The following KCTD19 variants were observed in gnomAD, a reference collection of about 807,000 sequenced individuals.
KCTD19 encodes BTB/POZ domain-containing protein KCTD19.
Under a neutral mutation model 103.5 loss-of-function variants are expected in KCTD19, and 67 were observed. The ratio of observed to expected loss-of-function variants is 0.65; its 90% CI spans 0.53 to 0.79. The LOEUF (loss-of-function observed/expected upper bound fraction) is 0.79, where lower values mean the gene tolerates loss of function less well. Among genes scored for constraint, KCTD19 ranks in the 30% least tolerant of loss-of-function variants. KCTD19 has a pLI of 0.00. For synonymous variants in KCTD19, 439 were observed against 452.2 expected, an observed-to-expected ratio of 0.97 and a Z score of 0.37; for missense variants, 980 against 1,136.1, an observed-to-expected ratio of 0.86 and a Z score of 1.98.
chr16:67,291,328 G>A lies in KCTD19; in HGVS notation c.2546C>T (p.Ser849Phe). Reference protein sequence around the residue: ...DPKAITAKVVSLANRLWTLHI... With the variant: ...DPKAITAKVVFLANRLWTLHI... ...ACATACCCACAGCCGATTGGCCAGGGAGACCACCTTGGCTGTGATGGCTTT... is the reference window on the plus strand; with the variant it reads ...ACATACCCACAGCCGATTGGCCAGGAAGACCACCTTGGCTGTGATGGCTTT... Residue 849 changes from serine (S) to phenylalanine (F), a missense_variant, in exon 14 of 16, where the codon TCC becomes TTC. Transcript: ENST00000304372. 1 of 1,613,838 alleles carries A rather than the reference G, an allele frequency of 6.2e-7. No individual in the cohort carries two copies. The highest frequency in any genetic ancestry group is 8.5e-7 in the Non-Finnish European group (1 of 1,179,998).
At chr16:67,305,700 A>G (rs149429007) in intron 2 of KCTD19, 56 of 419,994 alleles carry the variant, frequency 1.3e-4, no homozygotes, top group African/African-American at 1.1e-3. Context: ...TATTTTCCCA[A>G]TAAATTTCCG....
rs2036736815 is a variant in KCTD19 at position 67,294,183 on chromosome 16, A to G, written c.1591-12T>C. 2 of 1,593,510 alleles carry G rather than the reference A, an allele frequency of 1.3e-6. No homozygotes were observed. The highest frequency in any genetic ancestry group is 1.3e-5 in the African/African-American group (1 of 74,514). On this transcript the variant is annotated splice_polypyrimidine_tract_variant and intron_variant, in intron 11 of 15. Transcript: ENST00000304372. ...ATGTAGGCTGTGGTCTGGGGAGGGAAGGGCACAGTAACTCTGGATAGGTTG... is the reference window on the plus strand; with the variant it reads ...ATGTAGGCTGTGGTCTGGGGAGGGAGGGGCACAGTAACTCTGGATAGGTTG...
At chr16:67,305,213 A>G (rs1356214435) in intron 2 of KCTD19, among the ~76,000 whole-genome samples, 1 of 152,174 alleles carries the variant, frequency 6.6e-6, no homozygotes, top group Non-Finnish European at 1.5e-5. Context: ...AGTGCTCAAA[A>G]TCACTTTCAA....
At position 67,320,536 on chromosome 16, in the gene KCTD19, G is replaced by A; in HGVS notation, c.300+53C>T. On this transcript the variant is annotated intron_variant, in intron 2 of 15. Transcript: ENST00000304372. The surrounding 1 kb of genome is among the most constrained non-coding windows in gnomAD (Gnocchi z 4.0). ...TATATAACAGGAAACAATATTTAGT[G>A]ATGTAAAGCCATGTTACTGATCCAC... 6.5e-7 allele frequency: 1 copy of A among 1,536,188 alleles called. No individual in the cohort carries two copies.
In KCTD19 at chr16:67,290,878, C is replaced by T. The variant is rs1287695503; in HGVS notation, c.2667+7G>A. 6.2e-6 allele frequency: 10 copies of T among 1,607,716 alleles called. 1 individual carries two copies. In the South Asian group the frequency reaches 6.7e-5, roughly 11 times the overall value. On this transcript the variant is annotated splice_region_variant and intron_variant, in intron 15 of 15. Coordinates refer to ENST00000304372, the MANE Select transcript of KCTD19 (RefSeq NM_001100915.3). Reference sequence around the variant, plus strand: ...GTGGATTCCCAGGGATTGCAAGTGGCCCTCACCTCCACCCAGCTGTACAGG... The same window carrying T: ...GTGGATTCCCAGGGATTGCAAGTGGTCCTCACCTCCACCCAGCTGTACAGG...
rs950984029 is a variant in KCTD19, at chr16:67,323,598, A to G, written c.4-2713T>C. ...TGGATGAAATTCGAAACATTATGCC[A>G]AGGGAAAGAAGCCAAACAAAAAATC... On this transcript the variant is annotated intron_variant, in intron 1 of 15. Transcript: ENST00000304372. The surrounding 1 kb of genome is among the most constrained non-coding windows in gnomAD (Gnocchi z 4.1). 1.2e-4 allele frequency among the ~76,000 whole-genome samples: 19 copies of G among 152,202 alleles called. No homozygotes were observed. Among genetic ancestry groups the G allele is most frequent in the African/African-American group, 4.6e-4 (19 of 41,452 alleles).
chr16:67,314,525 C>A (rs2142518874), intron 2 of KCTD19, among the ~76,000 whole-genome samples: 1 of 152,020 alleles, frequency 6.6e-6, no homozygotes, highest in Admixed American at 6.6e-5. Flanking sequence ...TTTGCCTGTT[C>A]TGCACATTTT....
chr16:67,300,645 G>A lies in KCTD19; in HGVS notation c.776-1072C>T, dbSNP rs1484113133. The A allele has an allele frequency of 6.6e-6, 1 of 152,506 alleles. No homozygotes were observed. Among genetic ancestry groups the A allele is most frequent in the African/African-American group, 2.4e-5 (1 of 41,464 alleles). 9.4% of individuals were successfully genotyped at this position (152,506 alleles called of 1,614,324 possible). A position where few individuals can be genotyped will look rare whatever the true frequency, so the allele number is the denominator to read the frequency against. On this transcript the variant is annotated intron_variant, in intron 5 of 15. Transcript: ENST00000304372. This position sits in a 1 kb window ranked among gnomAD's most constrained non-coding sequence, Gnocchi z 4.5. ...GCTGGAGCATGCCACTCCCCACAAA[G>A]AGGATGGGTTTCTTTTTTGAGAAGG...
In KCTD19 at chr16:67,301,892, A is replaced by G; in HGVS notation, c.674T>C (p.Leu225Pro). The change falls in exon 5 of 16, where the codon CTA (leucine) becomes CCA (proline). Residue 225 changes from leucine to proline, a missense_variant. Leu to Pro is a moderately conservative substitution (Grantham distance 98). Coordinates refer to ENST00000304372, the MANE Select transcript of KCTD19 (RefSeq NM_001100915.3). Reference protein sequence around the residue: ...VNFLRSQKILLPDNFSNIDVL... With the variant: ...VNFLRSQKILPPDNFSNIDVL... ...ATCAATGTTGGAGAAATTATCCGGT[A>G]GTAAAATCTTCTGTGAGCGAAGAAA... The G allele has an allele frequency of 6.2e-7, 1 of 1,613,640 alleles. No homozygotes were observed. Among genetic ancestry groups the G allele is most frequent in the South Asian group, 1.1e-5 (1 of 91,070 alleles).
At chr16:67,289,817 A>G (rs1668702405) in intron 15 of KCTD19, 135 bp from the exon 16 acceptor site, 2 of 606,964 alleles carry the variant, frequency 3.3e-6, no homozygotes, top group South Asian at 4.2e-5. Context: ...TCTAGGGCCC[A>G]GCTCTGCCCC....
rs1401191578 is a variant in KCTD19, at chr16:67,301,845, T to C, written c.721A>G (p.Ile241Val). 2 of 1,613,420 alleles carry C rather than the reference T, an allele frequency of 1.2e-6. No homozygotes were observed. Among genetic ancestry groups the C allele is most frequent in the African/African-American group, 1.3e-5 (1 of 74,882 alleles). Residue 241 changes from isoleucine (I) to valine (V), a missense_variant, in exon 5 of 16, where the codon ATT becomes GTT. Ile to Val is a conservative substitution (Grantham distance 29). Coordinates refer to ENST00000304372, the MANE Select transcript of KCTD19 (RefSeq NM_001100915.3). ...TCAGTGAGTGCAGGGATTTCCAGAA[T>C]TTCCACTTCTGCTTCTAATACATCA... is the stretch of plus-strand genomic sequence containing the variant. ...NIDVLEAEVE[I>V]LEIPALTEAV... is the part of the protein sequence containing the mutation.
Position 67,293,546 on chromosome 16 carries a change from C to T in KCTD19, c.2216G>A (p.Arg739Lys), listed in dbSNP as rs1363958583. Residue 739 changes from arginine to lysine, a missense_variant and splice_region_variant, in exon 12 of 16, where the codon AGA becomes AAA. Transcript: ENST00000304372. This position sits in a 1 kb window ranked among gnomAD's most constrained non-coding sequence, Gnocchi z 4.0. ...GATCAAAGGGGGACAGGACTCACCT[C>T]TCTCCTTGGTCCTCTGCTTGCTCCA... ...KDWSKQRTKE[R>K]ESPAPEQPLP... The T allele has an allele frequency of 6.2e-7, 1 of 1,613,160 alleles. No homozygotes were observed. Among genetic ancestry groups the T allele is most frequent in the Non-Finnish European group, 8.5e-7 (1 of 1,179,428 alleles).
At chr16:67,315,741 A>G (rs1296720479) in intron 2 of KCTD19, among the ~76,000 whole-genome samples, 1 of 151,774 alleles carries the variant, frequency 6.6e-6, no homozygotes, top group Non-Finnish European at 1.5e-5. Flanking sequence ...GGCCTCCCAA[A>G]GTGCTGGGAT....
Position 67,293,626 on chromosome 16 carries a change from T to TGGCCCCTTGTCTTTCGCTCCAGCTCC in KCTD19, c.2110_2135dup (p.Pro714LeufsTer24), listed in dbSNP as rs1418608756. 7.4e-6 allele frequency: 12 copies of TGGCCCCTTGTCTTTCGCTCCAGCTCC among 1,614,072 alleles called. No homozygotes were observed. Among genetic ancestry groups the TGGCCCCTTGTCTTTCGCTCCAGCTCC allele is most frequent in the Non-Finnish European group, 1.0e-5 (12 of 1,180,026 alleles). On this transcript the variant is annotated frameshift_variant, in exon 12 of 16. Coordinates refer to ENST00000304372, the MANE Select transcript of KCTD19 (RefSeq NM_001100915.3). LOFTEE classifies it high-confidence loss of function. This position sits in a 1 kb window ranked among gnomAD's most constrained non-coding sequence, Gnocchi z 4.0. The stretch of plus-strand genomic sequence containing the variant: ...GTAAGTATGGCTTGAAGGTTGGCTC[T>TGGCCCCTTGTCTTTCGCTCCAGCTCC]GGCCCCTTGTCTTTCGCTCCAGCTC...
intron 13 of KCTD19, 70 bp from the exon 14 acceptor site, chr16:67,291,533 G>T (rs118132254): frequency 3.5e-4 from 551 of 1,575,314 alleles, no homozygotes; most frequent in Non-Finnish European, 4.5e-4. Flanking sequence ...GTGTGAGGAG[G>T]GGGAGAGGGG....
intron 2 of KCTD19, among the ~76,000 whole-genome samples, chr16:67,309,410 G>A (rs1296624890): frequency 6.6e-6 from 1 of 152,174 alleles, no homozygotes; most frequent in Non-Finnish European, 1.5e-5. Context: ...AAGACCTAAC[G>A]GGGAGAGGGA....
chr16:67,326,539 T>C, intron 1 of KCTD19, 166 bp downstream of exon 1: 1 of 834,840 alleles, frequency 1.2e-6, no homozygotes, highest in Non-Finnish European at 1.8e-6. Flanking sequence ...AGCGTTATTC[T>C]AACTCCTCAG....
Position 67,303,596 on chromosome 16 carries a change from G to A in KCTD19, c.452-259C>T, listed in dbSNP as rs1427720557. On this transcript the variant is annotated intron_variant, in intron 3 of 15. Coordinates refer to ENST00000304372, the MANE Select transcript of KCTD19 (RefSeq NM_001100915.3). The surrounding 1 kb of genome is among the most constrained non-coding windows in gnomAD (Gnocchi z 4.3). ...GGAGTCTCACTCTGTTGCCCAGGCT[G>A]GAATTCAGTGGTGCCATCTTGGCTC... 1.3e-5 allele frequency among the ~76,000 whole-genome samples: 2 copies of A among 152,044 alleles called. No homozygotes were observed. The highest frequency in any genetic ancestry group is 2.9e-5 in the Non-Finnish European group (2 of 68,024).
At chr16:67,307,557 C>A (rs1454317407) in intron 2 of KCTD19, among the ~76,000 whole-genome samples, 1 of 152,098 alleles carries the variant, frequency 6.6e-6, no homozygotes, top group Non-Finnish European at 1.5e-5. Flanking sequence ...CTCAAGTGAT[C>A]GGCCTGCTTC....
Sources: gnomAD v4.1 joint callset for allele counts (sites outside exome capture counted in the v4.1 genomes callset) on GRCh38, gnomAD v4.1.1 for gene constraint, Gnocchi (gnomAD v3.1) non-coding constraint, MANE v1.5 for transcripts, NCBI Gene and HGNC (gene_info 2026-07-23, HGNC 2026-07-21) for gene names.